The following AGO4 variants were observed in gnomAD, a reference collection of about 807,000 sequenced individuals.
AGO4 encodes the protein protein argonaute-4.
A neutral mutation model predicts 104.7 loss-of-function variants in AGO4; 33 were observed. The observed-to-expected ratio is 0.32, with a 90% CI of 0.24 to 0.42. AGO4 has a LOEUF of 0.42. Among genes scored for constraint, AGO4 ranks in the 10% least tolerant of loss-of-function variants. The probability of loss-of-function intolerance (pLI) is 1.00; values close to 1 mark genes in which losing one functional copy is unlikely to be tolerated. For missense variants in AGO4, 711 were observed against 1,083.4 expected, an observed-to-expected ratio of 0.66 and a Z score of 4.83; for synonymous variants, 331 against 364.7, an observed-to-expected ratio of 0.91 and a Z score of 1.05.
chr1:35,835,788 TAGG>T, intron 12 of AGO4, 43 bp from the exon 13 acceptor site: 1 of 1,498,336 alleles, frequency 6.7e-7, no homozygotes, highest in Non-Finnish European at 9.0e-7. Flanking sequence ...TTTTAGTAAT[TAGG>T]AGACCATTTA....
chr1:35,808,015 C>T (rs557422644), upstream of AGO4, among the ~76,000 whole-genome samples: 146 of 150,566 alleles, frequency 9.7e-4, no homozygotes, highest in Non-Finnish European at 1.6e-3. The surrounding 1 kb of genome is among the most constrained non-coding windows in gnomAD (Gnocchi z 5.2). Context: ...GGCGCGCGCT[C>T]GTTCCCCGAC....
rs752406279 is a variant in AGO4 at position 35,829,840 on chromosome 1, T to TAA, written c.849-1562_849-1561dup. Among the ~76,000 whole-genome samples the TAA allele has an allele frequency of 7.7e-3, 476 of 62,160 alleles. 29 individuals are homozygous for TAA. Among genetic ancestry groups the TAA allele is most frequent in the Non-Finnish European group, 9.9e-3 (341 of 34,436 alleles). The allele number at this position is 62,160 out of a possible 152,430, so 40.8% of individuals were successfully genotyped here. ...TGGGCAACAGAGTGAGACTACATCT[T>TAA]AAAAAAAAAAAAAAAAAAAAAAAAA... is the stretch of plus-strand genomic sequence containing the variant. On this transcript the variant is annotated intron_variant, in intron 7 of 17. Transcript: ENST00000373210.
intron 12 of AGO4, among the ~76,000 whole-genome samples, chr1:35,834,776 GC>G (rs1467038229): frequency 2.0e-5 from 3 of 152,068 alleles, no homozygotes; most frequent in Non-Finnish European, 4.4e-5. Flanking sequence ...GCCCATCTCA[GC>G]CTCACAATCC....
At chr1:35,847,809 TAAC>T (rs781230038) in intron 15 of AGO4, among the ~76,000 whole-genome samples, 15 of 152,288 alleles carry the variant, frequency 9.8e-5, no homozygotes, top group African/African-American at 3.4e-4. Context: ...TTAAACATGT[TAAC>T]AATTTTCTGT....
At chr1:35,807,636 G>A (rs937046527), upstream of AGO4, among the ~76,000 whole-genome samples, 1 of 152,202 alleles carries the variant, frequency 6.6e-6, no homozygotes, top group African/African-American at 2.4e-5. Flanking sequence ...GTCCATTCCC[G>A]TGGTGCCTTC....
At chr1:35,828,871 A>G (rs1644103984) in intron 7 of AGO4, among the ~76,000 whole-genome samples, 1 of 152,208 alleles carries the variant, frequency 6.6e-6, no homozygotes, top group African/African-American at 2.4e-5. Flanking sequence ...GTGAGACACT[A>G]TATGTGAAAG....
In AGO4 at chr1:35,855,057, A is replaced by G. The variant is rs1644788573; in HGVS notation, c.*1452A>G. The G allele has an allele frequency of 6.6e-6, 1 of 152,592 alleles. No homozygotes were observed. Among genetic ancestry groups the G allele is most frequent in the African/African-American group, 2.4e-5 (1 of 41,456 alleles). 9.5% of individuals were successfully genotyped at this position (152,592 alleles called of 1,614,324 possible). ...GTAGGGGAAAATGTATTCTGTATGT[A>G]GTGTAGATAATACTTTGTGAATGGA... On this transcript the variant is annotated 3_prime_UTR_variant, in exon 18 of 18. Transcript: ENST00000373210.
intron 17 of AGO4, among the ~76,000 whole-genome samples, chr1:35,851,520 C>G (rs1644701389): frequency 6.6e-6 from 1 of 152,318 alleles, no homozygotes; most frequent in South Asian, 2.1e-4. Context: ...GATTCTCACT[C>G]TCAAATAGGC....
intron 15 of AGO4, among the ~76,000 whole-genome samples, chr1:35,847,190 A>G (rs1644592128): frequency 6.6e-6 from 1 of 151,998 alleles, no homozygotes; most frequent in Non-Finnish European, 1.5e-5. Context: ...AAAAATCACA[A>G]ACAAATCTCA....
chr1:35,835,042 G>A (rs1234455927), intron 12 of AGO4, among the ~76,000 whole-genome samples: 2 of 119,526 alleles, frequency 1.7e-5, no homozygotes, highest in Non-Finnish European at 1.7e-5. Context: ...GCAGGGTCCT[G>A]CTCTGTCATC....
At chr1:35,836,393 C>A (rs936345030) in intron 13 of AGO4, among the ~76,000 whole-genome samples, 8 of 152,148 alleles carry the variant, frequency 5.3e-5, no homozygotes, top group African/African-American at 4.8e-5. Context: ...TGTATGATTT[C>A]ATTTCATGAA....
At chr1:35,831,743 A>G (rs1644190233) in intron 8 of AGO4, 69 bp from the exon 9 acceptor site, 7 of 1,589,084 alleles carry the variant, frequency 4.4e-6, no homozygotes, top group Non-Finnish European at 5.1e-6. Context: ...AGGATATAAG[A>G]TATGGTTTGG....
intron 7 of AGO4, among the ~76,000 whole-genome samples, chr1:35,829,602 C>T (rs1032369677): frequency 6.6e-6 from 1 of 151,832 alleles, no homozygotes; most frequent in Non-Finnish European, 1.5e-5. Context: ...TTTGGGAGGC[C>T]GAGGCAGGCA....
intron 3 of AGO4, among the ~76,000 whole-genome samples, chr1:35,823,749 A>G (rs1428935400): frequency 6.9e-6 from 1 of 145,762 alleles, no homozygotes; most frequent in East Asian, 2.0e-4. Flanking sequence ...TATTATTATT[A>G]TTATTTTTTT....
In AGO4 at chr1:35,816,915, G is replaced by A. The variant is rs759153717; in HGVS notation, c.53G>A (p.Arg18His). 4.3e-6 allele frequency: 7 copies of A among 1,612,928 alleles called. No homozygotes were observed. Among genetic ancestry groups the A allele is most frequent in the Admixed American group, 3.3e-5 (2 of 59,914 alleles). The stretch of plus-strand genomic sequence containing the variant: ...GCTAGCCTGTTTCAGCCACCTCGTC[G>A]TCCTGGCCTTGGAACTGTTGGAAAA... Reference protein sequence around the residue: ...PPASLFQPPRRPGLGTVGKPI... With the variant: ...PPASLFQPPRHPGLGTVGKPI... Residue 18 changes from arginine to histidine, a missense_variant, in exon 2 of 18, where the codon CGT (arginine) becomes CAT (histidine). By Grantham distance (29) the Arg-to-His change is conservative. This residue lies in a region of AGO4 where 308 missense variants were observed against 397.8 expected (regional missense o/e 0.77). Coordinates refer to ENST00000373210, the MANE Select transcript of AGO4 (RefSeq NM_017629.4).
At chr1:35,851,145 A>G in intron 17 of AGO4, 92 bp downstream of exon 17, 1 of 1,264,052 alleles carries the variant, frequency 7.9e-7, no homozygotes, top group Non-Finnish European at 1.1e-6. Flanking sequence ...AAGGATTTAA[A>G]CTTTCAGAGT....
chr1:35,830,376 A>G (rs1250141369), intron 7 of AGO4, among the ~76,000 whole-genome samples: 3 of 152,068 alleles, frequency 2.0e-5, no homozygotes, highest in Non-Finnish European at 4.4e-5. Flanking sequence ...TGCTACACTC[A>G]TTTTACATAA....
At chr1:35,845,466 C>G (rs58906710) in intron 15 of AGO4, among the ~76,000 whole-genome samples, 15,324 of 151,986 alleles carry the variant, frequency 0.1, 1,237 homozygotes, top group African/African-American at 0.23. Context: ...CTCGGCCTCC[C>G]AAAGTGCTGG....
At chr1:35,842,001 C>CG (rs1364406371) in intron 15 of AGO4, among the ~76,000 whole-genome samples, 1 of 151,538 alleles carries the variant, frequency 6.6e-6, no homozygotes, top group Non-Finnish European at 1.5e-5. Flanking sequence ...GTTTTTGTGT[C>CG]GGGGGGAGTA....
Sources: gnomAD v4.1 joint callset for allele counts (sites outside exome capture counted in the v4.1 genomes callset) on GRCh38, gnomAD v4.1.1 for gene constraint, gnomAD v4.1.1 regional missense constraint, Gnocchi (gnomAD v3.1) non-coding constraint, MANE v1.5 for transcripts, NCBI Gene and HGNC (gene_info 2026-07-23, HGNC 2026-07-21) for gene names.